Variants in CELF3 observed in about 807,000 individuals in gnomAD.
The protein encoded by CELF3 is CAG repeat domain.
Under a neutral mutation model 59.6 loss-of-function variants are expected in CELF3, and 26 were observed. The observed-to-expected ratio is 0.44, with a 90% CI of 0.32 to 0.61. The LOEUF (loss-of-function observed/expected upper bound fraction) is 0.61, where lower values mean the gene tolerates loss of function less well. Among genes scored for constraint, CELF3 ranks in the 20% least tolerant of loss-of-function variants. CELF3 has a pLI of 0.06. For missense variants in CELF3, 387 were observed against 627.2 expected, an observed-to-expected ratio of 0.62 and a Z score of 4.09; for synonymous variants, 245 against 250.7, an observed-to-expected ratio of 0.98 and a Z score of 0.22.
At chr1:151,715,257 C>T (rs1558112582) in intron 1 of CELF3, among the ~76,000 whole-genome samples, 1 of 152,018 alleles carries the variant, frequency 6.6e-6, no homozygotes. Context: ...CCCTGACCGC[C>T]CCCACTTAGC....
At chr1:151,714,737 G>A in intron 1 of CELF3, 61 bp from the exon 2 acceptor site, 1 of 1,191,496 alleles carries the variant, frequency 8.4e-7, no homozygotes, top group South Asian at 1.3e-5. Context: ...TCCCCTCTCT[G>A]AAAGGCTCCC....
chr1:151,706,231 TTGCTGCTGCTGCTGTTGC>T lies in CELF3; in HGVS notation c.1101_1118del (p.Gln368_Gln373del). ...CAAGGCCCCAGCCAGCACCTTCTCT[TTGCTGCTGCTGCTGTTGC>T]TGCTGCTGCTGCTGCTGCTGCTGTT... On this transcript the variant is annotated inframe_deletion, in exon 10 of 13. Transcript: ENST00000290583. 3 of 1,608,364 alleles carry T rather than the reference TTGCTGCTGCTGCTGTTGC, an allele frequency of 1.9e-6. No homozygotes were observed. The highest frequency in any genetic ancestry group is 2.5e-6 in the Non-Finnish European group (3 of 1,178,222).
Position 151,709,574 on chromosome 1 carries a change from C to T in CELF3, c.277+169G>A, listed in dbSNP as rs563228832. 2.3e-5 allele frequency: 21 copies of T among 917,802 alleles called. 1 individual carries two copies. In the Middle Eastern group the frequency reaches 6.6e-4, roughly 29 times the overall value. The allele number at this position is 917,802 out of a possible 1,614,324, so 56.9% of individuals were successfully genotyped here. Reference sequence around the variant, plus strand: ...GGGCCTCAGTTTTGCCATCTGTACCCGCCCCAGATCTCACCCGCTCTGGCC... The same window carrying T: ...GGGCCTCAGTTTTGCCATCTGTACCTGCCCCAGATCTCACCCGCTCTGGCC... On this transcript the variant is annotated intron_variant, in intron 3 of 12. Coordinates refer to ENST00000290583, the MANE Select transcript of CELF3 (RefSeq NM_007185.7). The surrounding 1 kb of genome is among the most constrained non-coding windows in gnomAD (Gnocchi z 4.9).
rs1269994058 is a variant in CELF3 at position 151,702,866 on chromosome 1, G to T, written c.*593C>A. ...GGAGGAGGGTCTCTGTGGCTGACTG[G>T]CAGAGAGGCAGCCCTCAGGGCTCCC... On this transcript the variant is annotated 3_prime_UTR_variant, in exon 13 of 13. Transcript: ENST00000290583. 1.3e-5 allele frequency: 3 copies of T among 238,714 alleles called. No individual in the cohort carries two copies. Among genetic ancestry groups the T allele is most frequent in the Non-Finnish European group, 2.6e-5 (3 of 116,226 alleles). The allele number at this position is 238,714 out of a possible 1,614,324, so 14.8% of individuals were successfully genotyped here. A position where few individuals can be genotyped will look rare whatever the true frequency, so the allele number is the denominator to read the frequency against.
At position 151,703,138 on chromosome 1, in the gene CELF3, TG is replaced by T. The variant is rs1558093957; in HGVS notation, c.*320del. The T allele has an allele frequency of 2.2e-6, 1 of 460,340 alleles. No homozygotes were observed. The highest frequency in any genetic ancestry group is 2.3e-5 in the Admixed American group (1 of 43,006). 28.5% of individuals were successfully genotyped at this position (460,340 alleles called of 1,614,324 possible). A position where few individuals can be genotyped will look rare whatever the true frequency, so the allele number is the denominator to read the frequency against. On this transcript the variant is annotated 3_prime_UTR_variant, in exon 13 of 13. Coordinates refer to ENST00000290583, the MANE Select transcript of CELF3 (RefSeq NM_007185.7). ...TGTTGGGGGAGGCAAGTACAAACGCTGGGTACAGAAGGCCTGTCACAGGAGC... is the reference window on the plus strand; with the variant it reads ...TGTTGGGGGAGGCAAGTACAAACGCTGGTACAGAAGGCCTGTCACAGGAGC...
rs1672150371 is a variant in CELF3 at position 151,702,483 on chromosome 1, C to T, written c.*976G>A. On this transcript the variant is annotated 3_prime_UTR_variant, in exon 13 of 13. Transcript: ENST00000290583. ...AAATGCAATAAATAAATAAGTTAAG[C>T]ATAGAGAACTGTCTGAAACTGACTC... 6.6e-6 allele frequency: 1 copy of T among 152,014 alleles called. No individual in the cohort carries two copies. Among genetic ancestry groups the T allele is most frequent in the Non-Finnish European group, 1.5e-5 (1 of 68,018 alleles). The allele number at this position is 152,014 out of a possible 1,614,324, so 9.4% of individuals were successfully genotyped here. A position where few individuals can be genotyped will look rare whatever the true frequency, so the allele number is the denominator to read the frequency against.
At chr1:151,715,649 C>T (rs750743918) in intron 1 of CELF3, 21 of 1,503,752 alleles carry the variant, frequency 1.4e-5, no homozygotes, top group South Asian at 1.2e-4. Flanking sequence ...TCTTTGCAGC[C>T]GTCTTGACAA....
Position 151,709,415 on chromosome 1 carries a change from C to G in CELF3, c.278-67G>C. The G allele has an allele frequency of 6.2e-7, 1 of 1,605,526 alleles. No homozygotes were observed. Among genetic ancestry groups the G allele is most frequent in the Admixed American group, 1.7e-5 (1 of 59,828 alleles). ...CTGGCTGCCTTCCCAGCCCTTCTTC[C>G]GCCCTTCCCTGGAGCTCCTAACACT... On this transcript the variant is annotated intron_variant, in intron 3 of 12. Coordinates refer to ENST00000290583, the MANE Select transcript of CELF3 (RefSeq NM_007185.7). This position sits in a 1 kb window ranked among gnomAD's most constrained non-coding sequence, Gnocchi z 4.9.
In CELF3 at chr1:151,709,591, G is replaced by A; in HGVS notation, c.277+152C>T. ...TCTGTACCCGCCCCAGATCTCACCCGCTCTGGCCACACTGACTCCTATCTC... is the reference window on the plus strand; with the variant it reads ...TCTGTACCCGCCCCAGATCTCACCCACTCTGGCCACACTGACTCCTATCTC... On this transcript the variant is annotated intron_variant, in intron 3 of 12. Coordinates refer to ENST00000290583, the MANE Select transcript of CELF3 (RefSeq NM_007185.7). The surrounding 1 kb of genome is among the most constrained non-coding windows in gnomAD (Gnocchi z 4.9). The A allele has an allele frequency of 1.2e-5, 12 of 963,668 alleles. No homozygotes were observed. The highest frequency in any genetic ancestry group is 7.7e-5 in the East Asian group (3 of 39,182). 59.7% of individuals were successfully genotyped at this position (963,668 alleles called of 1,614,324 possible). A position where few individuals can be genotyped will look rare whatever the true frequency, so the allele number is the denominator to read the frequency against.
chr1:151,704,759 G>T (rs1431381539), intron 12 of CELF3, among the ~76,000 whole-genome samples: 1 of 152,072 alleles, frequency 6.6e-6, no homozygotes, highest in Non-Finnish European at 1.5e-5. Flanking sequence ...GAAGGTCCAG[G>T]GAGTGGACAC....
rs79256640 is a variant in CELF3 at position 151,705,651 on chromosome 1, C to T, written c.1270+171G>A. Among the ~76,000 whole-genome samples the T allele has an allele frequency of 0.019, 2,881 of 152,130 alleles. 92 individuals are homozygous for T. Among genetic ancestry groups the T allele is most frequent in the African/African-American group, 0.066 (2,742 of 41,470 alleles). On this transcript the variant is annotated intron_variant, in intron 11 of 12. Transcript: ENST00000290583. The surrounding 1 kb of genome is among the most constrained non-coding windows in gnomAD (Gnocchi z 5.1). ...AACGCTGAAGGAAGAAGAGATGGGC[C>T]GAGGCAGCAGCTGGGTGTGGCATGT...
chr1:151,710,737 C>G lies in CELF3; in HGVS notation c.229-946G>C, dbSNP rs1045548490. On this transcript the variant is annotated intron_variant, in intron 2 of 12. Coordinates refer to ENST00000290583, the MANE Select transcript of CELF3 (RefSeq NM_007185.7). ...CTCCAGAGCTCTAACCTCTCCCCGA[C>G]CCCTGCAGTATCTCCCTTTGTTCAG... is the stretch of plus-strand genomic sequence containing the variant. 2.9e-4 allele frequency: 132 copies of G among 456,498 alleles called. No individual in the cohort carries two copies. In the Admixed American group the frequency reaches 3.1e-3, roughly 11 times the overall value. The allele number at this position is 456,498 out of a possible 1,614,324, so 28.3% of individuals were successfully genotyped here. A position where few individuals can be genotyped will look rare whatever the true frequency, so the allele number is the denominator to read the frequency against.
At position 151,702,316 on chromosome 1, in the gene CELF3, C is replaced by T. The variant is rs1672135488; in HGVS notation, c.*1143G>A. On this transcript the variant is annotated 3_prime_UTR_variant, in exon 13 of 13. Coordinates refer to ENST00000290583, the MANE Select transcript of CELF3 (RefSeq NM_007185.7). ...GGCCTTCCCTGATGGGATTTTCTCT[C>T]TCAAACCTCATTCTCTACCTCCCTC... 6.6e-6 allele frequency: 1 copy of T among 152,232 alleles called. No homozygotes were observed. Among genetic ancestry groups the T allele is most frequent in the African/African-American group, 2.4e-5 (1 of 41,452 alleles). The allele number at this position is 152,232 out of a possible 1,614,324, so 9.4% of individuals were successfully genotyped here.
chr1:151,708,626 C>A (rs1327344574), intron 5 of CELF3, among the ~76,000 whole-genome samples: 1 of 151,986 alleles, frequency 6.6e-6, no homozygotes, highest in Non-Finnish European at 1.5e-5. Context: ...CGCTGCTGTG[C>A]AGGGGCAGGG....
chr1:151,704,078 A>G (rs1016386875), intron 12 of CELF3, among the ~76,000 whole-genome samples: 13 of 152,158 alleles, frequency 8.5e-5, no homozygotes, highest in Admixed American at 7.2e-4. Flanking sequence ...GCCCCTCCCC[A>G]AAGAACAAAC....
At chr1:151,703,477 T>C (rs1289497431) in intron 12 of CELF3, 29 bp from the exon 13 acceptor site, 1 of 312,256 alleles carries the variant, frequency 3.2e-6, no homozygotes, top group Non-Finnish European at 6.5e-6. Context: ...GGGTGAAGCA[T>C]GGGGAAGAGA....
Position 151,707,616 on chromosome 1 carries a change from A to G in CELF3, c.663T>C (p.Ala221=). The G allele has an allele frequency of 6.2e-7, 1 of 1,607,152 alleles. No homozygotes were observed. Among genetic ancestry groups the G allele is most frequent in the Non-Finnish European group, 8.5e-7 (1 of 1,177,908 alleles). ...LMQQQAALVA[A]HSAYLSPMAT... is the part of the protein sequence containing the mutation. ...CCATGGGGCTGAGGTAGGCACTGTGAGCCGCTACCAGGGCCGCCTGCTGCT... is the reference window on the plus strand; with the variant it reads ...CCATGGGGCTGAGGTAGGCACTGTGGGCCGCTACCAGGGCCGCCTGCTGCT... The change falls in exon 7 of 13, where the codon GCT becomes GCC. Residue 221 remains alanine (A), a synonymous_variant. Transcript: ENST00000290583.
Position 151,706,316 on chromosome 1 carries a change from T to C in CELF3, c.1034A>G (p.Gln345Arg), listed in dbSNP as rs1158353847. 1.3e-6 allele frequency: 2 copies of C among 1,555,272 alleles called. No homozygotes were observed. The highest frequency in any genetic ancestry group is 1.7e-6 in the Non-Finnish European group (2 of 1,149,656). Residue 345 changes from glutamine (Q) to arginine (R), a missense_variant, in exon 10 of 13, where the codon CAG becomes CGG. Physicochemically the swap from Gln to Arg is conservative, Grantham distance 43. Coordinates refer to ENST00000290583, the MANE Select transcript of CELF3 (RefSeq NM_007185.7). ...CTGCTGGGCGACCAGGGCTGGAGGC[T>C]GCGGGAACGCAGGTGCAACCAGGCT... Reference protein sequence around the residue: ...AYSLVAPAFPQPPALVAQQPP... With the variant: ...AYSLVAPAFPRPPALVAQQPP...
chr1:151,707,655 G>C lies in CELF3; in HGVS notation c.631-7C>G. The C allele has an allele frequency of 6.2e-7, 1 of 1,604,048 alleles. No homozygotes were observed. The highest frequency in any genetic ancestry group is 8.5e-7 in the Non-Finnish European group (1 of 1,177,062). ...CCGCCTGCTGCTGCATCAGCTGGGG[G>C]GAGGGGAGAGGAGAGTGGGGCAGGC... On this transcript the variant is annotated splice_polypyrimidine_tract_variant and splice_region_variant and intron_variant, in intron 6 of 12. Transcript: ENST00000290583.
Sources: gnomAD v4.1 joint callset for allele counts (sites outside exome capture counted in the v4.1 genomes callset) on GRCh38, gnomAD v4.1.1 for gene constraint, Gnocchi (gnomAD v3.1) non-coding constraint, MANE v1.5 for transcripts, NCBI Gene and HGNC (gene_info 2026-07-23, HGNC 2026-07-21) for gene names.